UNKL: variants seen among roughly 807,000 people sequenced by gnomAD.
UNKL encodes the protein putative E3 ubiquitin-protein ligase UNKL.
A neutral mutation model predicts 78.0 loss-of-function variants in UNKL; 60 were observed. The ratio of observed to expected loss-of-function variants is 0.77; its 90% CI spans 0.63 to 0.95. The LOEUF (loss-of-function observed/expected upper bound fraction) is 0.95, where lower values mean the gene tolerates loss of function less well. Ranked by LOEUF, UNKL falls within the 40% of genes least tolerant of loss-of-function variation. The pLI, the probability that UNKL is intolerant of heterozygous loss-of-function variation, is 0.00. For synonymous variants in UNKL, 608 were observed against 474.8 expected (o/e 1.28, Z -3.65); for missense variants, 1,159 against 1,045.7 (o/e 1.11, Z -1.49).
chr16:1,378,706 G>A (rs771254049), intron 10 of UNKL, among the ~76,000 whole-genome samples: 1 of 152,144 alleles, frequency 6.6e-6, no homozygotes, highest in Non-Finnish European at 1.5e-5. Context: ...GAGAGGGGAC[G>A]TTCAGGGAGC....
chr16:1,399,324 G>C lies in UNKL; in HGVS notation c.734+50C>G. On this transcript the variant is annotated intron_variant, in intron 5 of 14. Transcript: ENST00000389221. This position sits in a 1 kb window ranked among gnomAD's most constrained non-coding sequence, Gnocchi z 5.8. ...GTGGGCAACGCGAGCCACGGGCCGG[G>C]AAGGACGCCCACCAGCCGGAGTCCT... The C allele has an allele frequency of 6.6e-7, 1 of 1,506,164 alleles. No homozygotes were observed. Among genetic ancestry groups the C allele is most frequent in the Non-Finnish European group, 8.9e-7 (1 of 1,128,694 alleles). The allele number at this position is 1,506,164 out of a possible 1,614,324, so 93.3% of individuals were successfully genotyped here. A position where few individuals can be genotyped will look rare whatever the true frequency, so the allele number is the denominator to read the frequency against.
At position 1,370,346 on chromosome 16, in the gene UNKL, G is replaced by C. The variant is rs1222701670; in HGVS notation, c.1369C>G (p.Leu457Val). 6.5e-7 allele frequency: 1 copy of C among 1,532,896 alleles called. No homozygotes were observed. Among genetic ancestry groups the C allele is most frequent in the Non-Finnish European group, 8.7e-7 (1 of 1,146,000 alleles). The allele number at this position is 1,532,896 out of a possible 1,614,324, so 95.0% of individuals were successfully genotyped here. ...HDLGAAGPRS[L>V]AGSAPVAIPG... The stretch of plus-strand genomic sequence containing the variant: ...ATGGCGACAGGTGCAGAGCCGGCCA[G>C]CGACCTGGGACCTGGCGGGGGCGGA... Residue 457 changes from leucine to valine, a missense_variant, in exon 12 of 15, where the codon CTG becomes GTG. Coordinates refer to ENST00000389221, the MANE Select transcript of UNKL (RefSeq NM_001372107.1).
chr16:1,394,903 A>T (rs1310209815), intron 6 of UNKL, among the ~76,000 whole-genome samples: 4 of 152,102 alleles, frequency 2.6e-5, no homozygotes, highest in Admixed American at 2.0e-4. Flanking sequence ...TTTGAGAGAG[A>T]GTCTCGCTCT....
At position 1,403,273 on chromosome 16, in the gene UNKL, G is replaced by A. The variant is rs1319561020; in HGVS notation, c.359C>T (p.Thr120Ile). The change falls in exon 3 of 15, where the codon ACC (threonine) becomes ATC (isoleucine). Residue 120 changes from threonine (T) to isoleucine (I), a missense_variant. By Grantham distance (89) the Thr-to-Ile change is moderately conservative. Transcript: ENST00000389221. The surrounding 1 kb of genome is among the most constrained non-coding windows in gnomAD (Gnocchi z 4.8). ...KYHLRYYKTG[T>I]CIHETDARGH... ...ACGTGCGTCTGTCTCGTGGATGCAGGTTCCTGTTTTGTAGTAACGCAGGTG... is the reference window on the plus strand; with the variant it reads ...ACGTGCGTCTGTCTCGTGGATGCAGATTCCTGTTTTGTAGTAACGCAGGTG... The A allele has an allele frequency of 9.9e-6, 16 of 1,614,236 alleles. No homozygotes were observed. Among genetic ancestry groups the A allele is most frequent in the Non-Finnish European group, 1.4e-5 (16 of 1,180,048 alleles).
chr16:1,392,745 G>A, intron 8 of UNKL, 146 bp downstream of exon 8: 1 of 992,444 alleles, frequency 1.0e-6, no homozygotes, highest in Admixed American at 2.2e-5. Flanking sequence ...TAGTGGCAAG[G>A]ATTTTTCTAG....
intron 8 of UNKL, among the ~76,000 whole-genome samples, chr16:1,392,572 T>A (rs1264852969): frequency 6.6e-6 from 1 of 152,132 alleles, no homozygotes. Flanking sequence ...GTAGCTGGGA[T>A]TACAGGCACC....
rs145186320 is a variant in UNKL, at chr16:1,383,539, C to A, written c.1264+1669G>T. 127 of 338,350 alleles carry A rather than the reference C, an allele frequency of 3.8e-4. No homozygotes were observed. In the East Asian group the frequency reaches 9.1e-3, roughly 24 times the overall value. The allele number at this position is 338,350 out of a possible 1,614,324, so 21.0% of individuals were successfully genotyped here. A position where few individuals can be genotyped will look rare whatever the true frequency, so the allele number is the denominator to read the frequency against. On this transcript the variant is annotated intron_variant, in intron 10 of 14. Transcript: ENST00000389221. ...AGACACCACTCAGGATGGGACTGGTCTAGTGTCCTGCCGATGTGTGGTCTG... is the reference window on the plus strand; with the variant it reads ...AGACACCACTCAGGATGGGACTGGTATAGTGTCCTGCCGATGTGTGGTCTG...
chr16:1,381,805 C>T (rs2036616743), intron 10 of UNKL, among the ~76,000 whole-genome samples: 1 of 152,124 alleles, frequency 6.6e-6, no homozygotes, highest in Non-Finnish European at 1.5e-5. Flanking sequence ...TCACCGGGCC[C>T]GGTGGTGCCT....
At chr16:1,377,178 AC>A (rs1312872841) in intron 10 of UNKL, among the ~76,000 whole-genome samples, 2 of 151,838 alleles carry the variant, frequency 1.3e-5, no homozygotes, top group Non-Finnish European at 2.9e-5. Flanking sequence ...GCCCTCCACC[AC>A]CCCCAGCTAA....
At chr16:1,395,050 G>A (rs1043042193) in intron 6 of UNKL, among the ~76,000 whole-genome samples, 9 of 152,018 alleles carry the variant, frequency 5.9e-5, no homozygotes, top group African/African-American at 2.2e-4. Context: ...GCTAATTTTT[G>A]TAGTTTTAGT....
chr16:1,408,949 C>G (rs896702934), intron 2 of UNKL: 2 of 148,594 alleles, frequency 1.3e-5, no homozygotes, highest in African/African-American at 5.0e-5. Flanking sequence ...TTGAGTCTTG[C>G]TCTGTCGCCA....
chr16:1,398,696 T>TC, intron 5 of UNKL: 1 of 267,488 alleles, frequency 3.7e-6, no homozygotes, highest in South Asian at 3.5e-5. Flanking sequence ...CCCACCCCCC[T>TC]CTCAGGTGCA....
chr16:1,412,466 G>C (rs1009094844), intron 2 of UNKL, among the ~76,000 whole-genome samples: 1 of 152,220 alleles, frequency 6.6e-6, no homozygotes, highest in African/African-American at 2.4e-5. Flanking sequence ...CAAAAACTTA[G>C]CTAGGCGTGG....
intron 9 of UNKL, among the ~76,000 whole-genome samples, chr16:1,388,671 G>T (rs888437725): frequency 6.6e-6 from 1 of 152,288 alleles, no homozygotes; most frequent in East Asian, 1.9e-4. Flanking sequence ...CCACATGAGG[G>T]ATGGGCACAG....
Position 1,399,569 on chromosome 16 carries a change from A to C in UNKL, c.599-60T>G. The C allele has an allele frequency of 6.5e-7, 1 of 1,547,258 alleles. No homozygotes were observed. ...GACTGGAAGCAATGCTGGGCAGAGG[A>C]GACCAAAGGTGGAAGGACCTGGCTG... On this transcript the variant is annotated intron_variant, in intron 4 of 14. Coordinates refer to ENST00000389221, the MANE Select transcript of UNKL (RefSeq NM_001372107.1). The surrounding 1 kb of genome is among the most constrained non-coding windows in gnomAD (Gnocchi z 5.8).
Position 1,399,182 on chromosome 16 carries a change from C to T in UNKL, c.734+192G>A, listed in dbSNP as rs753764314. 214 of 1,161,398 alleles carry T rather than the reference C, an allele frequency of 1.8e-4. No homozygotes were observed. Among genetic ancestry groups the T allele is most frequent in the Non-Finnish European group, 2.3e-4 (199 of 853,620 alleles). 71.9% of individuals were successfully genotyped at this position (1,161,398 alleles called of 1,614,324 possible). On this transcript the variant is annotated intron_variant, in intron 5 of 14. Coordinates refer to ENST00000389221, the MANE Select transcript of UNKL (RefSeq NM_001372107.1). The surrounding 1 kb of genome is among the most constrained non-coding windows in gnomAD (Gnocchi z 5.8). ...ACTGAGCGTAGGTGGGGAGGCCCAT[C>T]CCCAGGACAGACGCGTGGGCCTCCA... is the stretch of plus-strand genomic sequence containing the variant.
At chr16:1,396,375 C>T (rs1164712712) in intron 6 of UNKL, among the ~76,000 whole-genome samples, 1 of 151,924 alleles carries the variant, frequency 6.6e-6, no homozygotes, top group Non-Finnish European at 1.5e-5. Context: ...ACGTCTCAGC[C>T]TCCCAAGTTC....
chr16:1,393,283 C>G (rs1285374943), intron 7 of UNKL, among the ~76,000 whole-genome samples: 1 of 152,218 alleles, frequency 6.6e-6, no homozygotes, highest in South Asian at 2.1e-4. Flanking sequence ...CACACAAAAC[C>G]TGGAACCCAA....
rs199858046 is a variant in UNKL at position 1,401,681 on chromosome 16, G to C, written c.485C>G (p.Ala162Gly). The change falls in exon 4 of 15, where the codon GCC becomes GGC. Residue 162 changes from alanine (A) to glycine (G), a missense_variant. By Grantham distance (60) the Ala-to-Gly change is moderately conservative. Coordinates refer to ENST00000389221, the MANE Select transcript of UNKL (RefSeq NM_001372107.1). The stretch of plus-strand genomic sequence containing the variant: ...GCCGCCCAGCTGGCCGTTCTGCAAG[G>C]CTTCCTGGGCCTGCAGCTCCCTGCA... ...CDVRELQAQE[A>G]LQNGQLGGGE... The C allele has an allele frequency of 5.0e-6, 8 of 1,611,216 alleles. No individual in the cohort carries two copies. The highest frequency in any genetic ancestry group is 5.9e-6 in the Non-Finnish European group (7 of 1,179,236).
Sources: allele counts gnomAD v4.1 joint callset (sites outside exome capture counted in the v4.1 genomes callset), GRCh38; gene constraint gnomAD v4.1.1; non-coding constraint Gnocchi (gnomAD v3.1); transcripts MANE v1.5; gene names NCBI Gene and HGNC (gene_info 2026-07-23, HGNC 2026-07-21).